Variants in LEKR1 observed in about 807,000 individuals in gnomAD.
The protein encoded by LEKR1 is protein LEKR1.
LEKR1 carries 59 observed loss-of-function variants against 72.4 expected under a neutral mutation model. The ratio of observed to expected loss-of-function variants is 0.82; its 90% CI spans 0.66 to 1.01. The LOEUF is 1.01. Among genes scored for constraint, LEKR1 ranks in the 50% least tolerant of loss-of-function variants. The pLI, the probability that LEKR1 is intolerant of heterozygous loss-of-function variation, is 0.00. For missense variants in LEKR1, 728 were observed against 759.2 expected (o/e 0.96, Z 0.48); for synonymous variants, 257 against 263.2 (o/e 0.98, Z 0.23).
At chr3:156,942,507 A>T (rs1726302367) in intron 5 of LEKR1, 22 bp from the exon 6 acceptor site, 1 of 936,024 alleles carries the variant, frequency 1.1e-6, no homozygotes, top group East Asian at 8.3e-5. Context: ...GGCTATTTGT[A>T]AACTTTGAAT....
chr3:156,987,508 TA>T (rs1730794440), intron 7 of LEKR1, among the ~76,000 whole-genome samples: 1 of 152,176 alleles, frequency 6.6e-6, no homozygotes, highest in South Asian at 2.1e-4. Flanking sequence ...AAGGCATTTG[TA>T]AAAGAAACAT....
intron 12 of LEKR1, among the ~76,000 whole-genome samples, chr3:157,041,655 A>G (rs983729689): frequency 6.6e-6 from 1 of 152,228 alleles, no homozygotes; most frequent in Middle Eastern, 3.4e-3. Flanking sequence ...CACCTGGCTC[A>G]TGCCTTCCTT....
intron 3 of LEKR1, among the ~76,000 whole-genome samples, chr3:156,890,105 G>T (rs991719111): frequency 2.0e-5 from 3 of 152,204 alleles, no homozygotes; most frequent in Non-Finnish European, 4.4e-5. Flanking sequence ...ATTATTAAGT[G>T]CAATGCCTGG....
chr3:156,935,926 C>T (rs762510130), intron 5 of LEKR1, among the ~76,000 whole-genome samples: 3 of 151,902 alleles, frequency 2.0e-5, no homozygotes, highest in South Asian at 4.1e-4. Context: ...ATGACTAGTA[C>T]GGATAAATAG....
At chr3:156,899,611 CACACATATATACACAT>C (rs1721732549) in intron 3 of LEKR1, among the ~76,000 whole-genome samples, 16 of 123,634 alleles carry the variant, frequency 1.3e-4, no homozygotes, top group African/African-American at 5.8e-4. Flanking sequence ...CGTATATATA[CACACATATATACACAT>C]ATATACACGC....
At chr3:156,932,780 C>T (rs999004085) in intron 5 of LEKR1, among the ~76,000 whole-genome samples, 9 of 151,108 alleles carry the variant, frequency 6.0e-5, no homozygotes, top group Admixed American at 2.0e-4. Flanking sequence ...CCTGTAATCC[C>T]GGCAATTTGG....
chr3:156,861,997 C>T (rs1427201362), intron 3 of LEKR1, among the ~76,000 whole-genome samples: 1 of 152,166 alleles, frequency 6.6e-6, no homozygotes, highest in East Asian at 1.9e-4. Context: ...GGGGTTTTTA[C>T]TATCAGTATA....
chr3:156,989,828 CACAG>C (rs991814219), intron 7 of LEKR1, among the ~76,000 whole-genome samples: 9 of 152,064 alleles, frequency 5.9e-5, no homozygotes, highest in Non-Finnish European at 7.4e-5. Context: ...TCTGCACACA[CACAG>C]ACAGAAAGAC....
chr3:156,838,635 G>C (rs1713476543), intron 2 of LEKR1, among the ~76,000 whole-genome samples: 1 of 152,170 alleles, frequency 6.6e-6, no homozygotes, highest in African/African-American at 2.4e-5. Flanking sequence ...TGTCTTTCTA[G>C]GAAGGATGTC....
At position 157,028,187 on chromosome 3, in the gene LEKR1, C is replaced by T. The variant is rs137970825; in HGVS notation, c.1453C>T (p.Arg485Trp). 28 of 1,611,304 alleles carry T rather than the reference C, an allele frequency of 1.7e-5. No homozygotes were observed. Among genetic ancestry groups the T allele is most frequent in the Non-Finnish European group, 1.4e-5 (17 of 1,178,036 alleles). The change falls in exon 12 of 13, where the codon CGG becomes TGG. Residue 485 changes from arginine (R) to tryptophan (W), a missense_variant. Physicochemically the swap from Arg to Trp is moderately radical, Grantham distance 101. Transcript: ENST00000356539. ...AGAAAAACTTCACAAATCCCATATTCGGTACACTGAAGAATCTAATTCAAA... is the reference window on the plus strand; with the variant it reads ...AGAAAAACTTCACAAATCCCATATTTGGTACACTGAAGAATCTAATTCAAA... ...LKEKLHKSHI[R>W]YTEESNSKEK... is the part of the protein sequence containing the mutation.
chr3:156,956,134 G>A (rs1727613579), intron 6 of LEKR1, among the ~76,000 whole-genome samples: 2 of 151,934 alleles, frequency 1.3e-5, no homozygotes, highest in South Asian at 4.2e-4. Context: ...TGAGAAAGTG[G>A]TTAGGAACCC....
At chr3:156,884,284 G>A (rs1719823592) in intron 3 of LEKR1, among the ~76,000 whole-genome samples, 1 of 151,896 alleles carries the variant, frequency 6.6e-6, no homozygotes, top group African/African-American at 2.4e-5. Flanking sequence ...CATTAGTATT[G>A]AGATGTGAAG....
intron 2 of LEKR1, among the ~76,000 whole-genome samples, chr3:156,848,282 T>C (rs1227064397): frequency 2.0e-5 from 3 of 152,226 alleles, no homozygotes; most frequent in East Asian, 1.9e-4. Context: ...TCTGAAGACA[T>C]GCAGAGAGTA....
chr3:157,043,222 C>T (rs1735498563), intron 12 of LEKR1, among the ~76,000 whole-genome samples: 1 of 152,188 alleles, frequency 6.6e-6, no homozygotes, highest in South Asian at 2.1e-4. Flanking sequence ...GCTGCAGAAT[C>T]ATGAGCCAGT....
At chr3:156,952,478 A>G (rs955257745) in intron 6 of LEKR1, among the ~76,000 whole-genome samples, 1 of 151,474 alleles carries the variant, frequency 6.6e-6, no homozygotes, top group Admixed American at 6.6e-5. Context: ...TGTCAAAGCT[A>G]AATATTTCAA....
At chr3:156,938,721 A>G (rs1168159826) in intron 5 of LEKR1, among the ~76,000 whole-genome samples, 2 of 152,174 alleles carry the variant, frequency 1.3e-5, no homozygotes, top group Admixed American at 1.3e-4. Context: ...TTATTTAGTA[A>G]ATCTGGTCAC....
intron 3 of LEKR1, among the ~76,000 whole-genome samples, chr3:156,858,124 A>G (rs62275167): frequency 0.032 from 4,843 of 152,258 alleles, 117 homozygotes; most frequent in Non-Finnish European, 0.048. Flanking sequence ...TTTCACTTGC[A>G]TTTCAAATTT....
At chr3:156,950,512 T>C (rs1380615756) in intron 6 of LEKR1, among the ~76,000 whole-genome samples, 1 of 151,606 alleles carries the variant, frequency 6.6e-6, no homozygotes, top group Non-Finnish European at 1.5e-5. Flanking sequence ...TCTAATTTCT[T>C]TGGGCAGTTT....
At chr3:156,907,895 A>G (rs557882947) in intron 3 of LEKR1, among the ~76,000 whole-genome samples, 1 of 151,926 alleles carries the variant, frequency 6.6e-6, no homozygotes, top group Non-Finnish European at 1.5e-5. Context: ...GTTAGAGTTC[A>G]TATCTTCTTA....
Sources: allele counts gnomAD v4.1 joint callset (sites outside exome capture counted in the v4.1 genomes callset), GRCh38; gene constraint gnomAD v4.1.1; transcripts MANE v1.5; gene names NCBI Gene and HGNC (gene_info 2026-07-23, HGNC 2026-07-21).